The following OTUD7A variants were observed in gnomAD, a reference collection of about 807,000 sequenced individuals.
OTUD7A encodes OTU deubiquitinase 7A, also known as OTU domain-containing protein 7A.
OTUD7A carries 12 observed loss-of-function variants against 65.7 expected under a neutral mutation model. That is an observed-to-expected ratio of 0.18 (90% CI 0.12 to 0.30). The LOEUF is 0.30. Ranked by LOEUF, OTUD7A falls within the 10% of genes least tolerant of loss-of-function variation. The pLI, the probability that OTUD7A is intolerant of heterozygous loss-of-function variation, is 1.00. For synonymous variants in OTUD7A, 641 were observed against 586.3 expected, an observed-to-expected ratio of 1.09 and a Z score of -1.35; for missense variants, 1,148 against 1,304.8, an observed-to-expected ratio of 0.88 and a Z score of 1.85.
rs1026789069 is a variant in OTUD7A, at chr15:31,503,684, A to G, written c.1021+7T>C. 1.2e-6 allele frequency: 2 copies of G among 1,614,016 alleles called. No individual in the cohort carries two copies. Among genetic ancestry groups the G allele is most frequent in the African/African-American group, 2.7e-5 (2 of 74,908 alleles). On this transcript the variant is annotated splice_region_variant and intron_variant, in intron 9 of 12. Coordinates refer to ENST00000307050, the MANE Select transcript of OTUD7A (RefSeq NM_001382637.1). ...ATGAATACAACACATCTCTTTGAGG[A>G]ACTTACCTTCTCCACCTGAGTCTCT...
intron 3 of OTUD7A, 115 bp downstream of exon 3, chr15:31,654,981 A>G: frequency 2.0e-5 from 27 of 1,320,668 alleles, no homozygotes; most frequent in Non-Finnish European, 2.6e-5. Flanking sequence ...GATGTAACAC[A>G]AAGCAAAGCC....
chr15:31,851,768 C>A (rs978831778), intron 1 of OTUD7A, among the ~76,000 whole-genome samples: 6 of 152,180 alleles, frequency 3.9e-5, no homozygotes, highest in Admixed American at 3.9e-4. Flanking sequence ...TTGACAATCC[C>A]ATGTGAACTC....
At chr15:31,821,415 A>T (rs140347146) in intron 1 of OTUD7A, among the ~76,000 whole-genome samples, 4,851 of 149,760 alleles carry the variant, frequency 0.032, 115 homozygotes, top group Middle Eastern at 0.082. Context: ...AAGTGCTGAG[A>T]TTACAGGCGT....
chr15:31,762,850 C>T (rs193054442), intron 1 of OTUD7A, among the ~76,000 whole-genome samples: 1 of 152,160 alleles, frequency 6.6e-6, no homozygotes, highest in African/African-American at 2.4e-5. Flanking sequence ...TTACTTGGTA[C>T]ACAAATGACC....
intron 5 of OTUD7A, among the ~76,000 whole-genome samples, chr15:31,534,161 T>C (rs966491186): frequency 2.0e-5 from 3 of 152,118 alleles, no homozygotes; most frequent in African/African-American, 7.2e-5. Flanking sequence ...ATGAATATGA[T>C]GCAAAATTCA....
intron 4 of OTUD7A, among the ~76,000 whole-genome samples, chr15:31,564,895 T>C (rs1888816757): frequency 6.6e-6 from 1 of 152,154 alleles, no homozygotes; most frequent in Admixed American, 6.5e-5. Context: ...AGCTGTTTAA[T>C]ATCAACAAAA....
At chr15:31,502,793 A>G (rs1015752156) in intron 9 of OTUD7A, among the ~76,000 whole-genome samples, 12 of 152,220 alleles carry the variant, frequency 7.9e-5, no homozygotes, top group Admixed American at 7.2e-4. Flanking sequence ...TGCAGACCTC[A>G]GCAGGCCCGC....
chr15:31,870,151 C>T (rs1897988701), intron 1 of OTUD7A, among the ~76,000 whole-genome samples: 1 of 149,962 alleles, frequency 6.7e-6, no homozygotes, highest in African/African-American at 2.4e-5. Flanking sequence ...CGCCTGGCAT[C>T]ACGTTCCAGT....
intron 3 of OTUD7A, among the ~76,000 whole-genome samples, chr15:31,605,106 T>C (rs543369045): frequency 6.6e-6 from 1 of 152,316 alleles, no homozygotes; most frequent in South Asian, 2.1e-4. Flanking sequence ...TTGATTTTAG[T>C]TTGCTTTTGA....
chr15:31,757,315 T>C (rs1894842672), intron 1 of OTUD7A, among the ~76,000 whole-genome samples: 1 of 151,332 alleles, frequency 6.6e-6, no homozygotes, highest in Non-Finnish European at 1.5e-5. Flanking sequence ...GCCTTCCTCA[T>C]AGGGTTACTG....
At chr15:31,860,559 A>T (rs554135448) in intron 1 of OTUD7A, among the ~76,000 whole-genome samples, 1 of 147,614 alleles carries the variant, frequency 6.8e-6, no homozygotes, top group South Asian at 2.2e-4. Flanking sequence ...TGTCCACACA[A>T]CTCATTTCTA....
chr15:31,720,084 C>T lies in OTUD7A; in HGVS notation c.-99-63007G>A, dbSNP rs529053598. Among the ~76,000 whole-genome samples the T allele has an allele frequency of 2.6e-5, 4 of 152,122 alleles. No individual in the cohort carries two copies. In the East Asian group the frequency reaches 5.8e-4, roughly 22 times the overall value. On this transcript the variant is annotated intron_variant, in intron 1 of 12. Coordinates refer to ENST00000307050, the MANE Select transcript of OTUD7A (RefSeq NM_001382637.1). ...GAAATTCAGCTGCTCTCTGTAAAGG[C>T]TTAATAAAAATGTAAATTGTAATAT...
At chr15:31,667,629 A>G (rs1419917293) in intron 1 of OTUD7A, among the ~76,000 whole-genome samples, 1 of 152,150 alleles carries the variant, frequency 6.6e-6, no homozygotes, top group Non-Finnish European at 1.5e-5. Flanking sequence ...TTTACATTCA[A>G]TGTTATTATT....
chr15:31,802,141 G>GTGTGTGTGTGTGTATA (rs553698632), intron 1 of OTUD7A, among the ~76,000 whole-genome samples: 39 of 142,494 alleles, frequency 2.7e-4, no homozygotes, highest in Non-Finnish European at 2.3e-4. Flanking sequence ...GTGTGTGTGT[G>GTGTGTGTGTGTGTATA]TATATATATA....
At position 31,631,486 on chromosome 15, in the gene OTUD7A, G is replaced by A. The variant is rs537420516; in HGVS notation, c.151+23610C>T. Among the ~76,000 whole-genome samples, 6 of 152,174 alleles carry A rather than the reference G, an allele frequency of 3.9e-5. No individual in the cohort carries two copies. The South Asian group carries it at 1.2e-3, about 32-fold the overall frequency. On this transcript the variant is annotated intron_variant, in intron 3 of 12. Coordinates refer to ENST00000307050, the MANE Select transcript of OTUD7A (RefSeq NM_001382637.1). ...GTTAGTCTGATGGGTTTCCCTTTGT[G>A]GGTTACCCGACCTTTCTCTCTGTCT...
At chr15:31,813,039 C>A (rs1366397156) in intron 1 of OTUD7A, among the ~76,000 whole-genome samples, 2 of 152,192 alleles carry the variant, frequency 1.3e-5, no homozygotes, top group Non-Finnish European at 2.9e-5. Flanking sequence ...GAACCCAACC[C>A]AAAACACAGA....
chr15:31,828,616 G>A (rs1297156399), intron 1 of OTUD7A, among the ~76,000 whole-genome samples: 1 of 152,166 alleles, frequency 6.6e-6, no homozygotes, highest in African/African-American at 2.4e-5. Flanking sequence ...AGCTACTCAT[G>A]GAAGGACAGT....
chr15:31,508,260 T>C (rs997845040), intron 8 of OTUD7A, among the ~76,000 whole-genome samples: 7 of 152,218 alleles, frequency 4.6e-5, no homozygotes, highest in African/African-American at 1.7e-4. Flanking sequence ...CTTTTTTTCT[T>C]GGCTGTGTGG....
chr15:31,577,293 G>A (rs1889230608), intron 3 of OTUD7A, among the ~76,000 whole-genome samples: 2 of 152,260 alleles, frequency 1.3e-5, no homozygotes, highest in Middle Eastern at 6.8e-3. Flanking sequence ...TCTGAAGGCT[G>A]CTAGCTGGAG....
Sources: allele counts gnomAD v4.1 joint callset (sites outside exome capture counted in the v4.1 genomes callset), GRCh38; gene constraint gnomAD v4.1.1; transcripts MANE v1.5; gene names NCBI Gene and HGNC (gene_info 2026-07-23, HGNC 2026-07-21).